Variants in FHIT observed in about 807,000 individuals in gnomAD.
FHIT encodes the protein bis(5'-adenosyl)-triphosphatase.
Under a neutral mutation model 17.9 loss-of-function variants are expected in FHIT, and 19 were observed. The ratio of observed to expected loss-of-function variants is 1.06; its 90% CI spans 0.74 to 1.56. FHIT has a LOEUF of 1.56. FHIT is among the 40% of genes most tolerant of loss of function. The pLI, the probability that FHIT is intolerant of heterozygous loss-of-function variation, is 0.00. For synonymous variants in FHIT, 81 were observed against 69.7 expected (o/e 1.16, Z -0.81); for missense variants, 248 against 189.2 (o/e 1.31, Z -1.82).
chr3:59,753,484 C>T (rs553753384), intron 8 of FHIT, among the ~76,000 whole-genome samples: 8 of 152,090 alleles, frequency 5.3e-5, no homozygotes, highest in Non-Finnish European at 1.2e-4. Context: ...CTCCCTTAAC[C>T]TCCTATTATG....
intron 5 of FHIT, chr3:60,536,556 CTATT>C (rs1226359316): frequency 3.8e-6 from 1 of 262,762 alleles, no homozygotes; most frequent in African/African-American, 2.2e-5. Flanking sequence ...TTAGAAGCAC[CTATT>C]TATTTACTCA....
intron 4 of FHIT, among the ~76,000 whole-genome samples, chr3:60,635,661 G>C (rs1227437721): frequency 6.6e-6 from 1 of 152,280 alleles, no homozygotes; most frequent in Non-Finnish European, 1.5e-5. Context: ...TCTTTTGACA[G>C]ATTAAAAGCT....
At position 60,524,059 on chromosome 3, in the gene FHIT, T is replaced by G. The variant is rs563542103; in HGVS notation, c.103+12801A>C. On this transcript the variant is annotated intron_variant, in intron 5 of 9. Coordinates refer to ENST00000492590, the MANE Select transcript of FHIT (RefSeq NM_002012.4). ...CAACATGGTCAACCAGGGTCACTCA[T>G]CTAGCAAATATTCATTTAACAAATA... Among the ~76,000 whole-genome samples, 161 of 152,288 alleles carry G rather than the reference T, an allele frequency of 1.1e-3. 1 individual carries two copies. The Middle Eastern group carries it at 0.017, about 16-fold the overall frequency.
intron 7 of FHIT, among the ~76,000 whole-genome samples, chr3:59,952,611 C>T (rs1280647564): frequency 6.6e-6 from 1 of 152,170 alleles, no homozygotes; most frequent in East Asian, 1.9e-4. Flanking sequence ...AGCTACCCTC[C>T]CATTATAGGG....
intron 4 of FHIT, among the ~76,000 whole-genome samples, chr3:60,666,549 T>A (rs1559625282): frequency 6.6e-6 from 1 of 152,216 alleles, no homozygotes; most frequent in African/African-American, 2.4e-5. Flanking sequence ...TTAATTATGA[T>A]ATATCATAGC....
chr3:60,302,385 T>A (rs1021879610), intron 5 of FHIT, among the ~76,000 whole-genome samples: 1 of 152,098 alleles, frequency 6.6e-6, no homozygotes, highest in East Asian at 1.9e-4. Context: ...ACTCCAACCC[T>A]GCATAATTTC....
At chr3:59,911,459 G>A (rs1271189422) in intron 8 of FHIT, among the ~76,000 whole-genome samples, 1 of 152,100 alleles carries the variant, frequency 6.6e-6, no homozygotes, top group South Asian at 2.1e-4. Context: ...GAGTACTGGT[G>A]GGCCTTTTAG....
intron 7 of FHIT, among the ~76,000 whole-genome samples, chr3:59,983,654 G>A (rs555791054): frequency 2.0e-5 from 3 of 152,114 alleles, no homozygotes; most frequent in Non-Finnish European, 4.4e-5. Flanking sequence ...GCGGACTAAT[G>A]TATAGTCCTT....
intron 3 of FHIT, among the ~76,000 whole-genome samples, chr3:60,938,076 A>C (rs181808524): frequency 6.6e-6 from 1 of 152,306 alleles, no homozygotes; most frequent in East Asian, 1.9e-4. Context: ...TCCAGGAGAA[A>C]GTTAAATACC....
intron 4 of FHIT, among the ~76,000 whole-genome samples, chr3:60,748,250 T>C (rs2042397363): frequency 6.6e-6 from 1 of 152,200 alleles, no homozygotes; most frequent in Non-Finnish European, 1.5e-5. Context: ...TTCCTTTATC[T>C]TCTTATGTTA....
chr3:60,726,198 C>T (rs116180977), intron 4 of FHIT, among the ~76,000 whole-genome samples: 3,075 of 152,214 alleles, frequency 0.02, 51 homozygotes, highest in Non-Finnish European at 0.03. Flanking sequence ...AATCTTATCA[C>T]TCAAGATATC....
In FHIT at chr3:61,209,105, G is replaced by A. The variant is rs549641470; in HGVS notation, c.-212-8440C>T. On this transcript the variant is annotated intron_variant, in intron 1 of 9. Transcript: ENST00000492590. ...TAGTTTGGCTGGATATGAAATGCTGGGTTGAAAATTCTTTCCTTTAAGAAT... is the reference window on the plus strand; with the variant it reads ...TAGTTTGGCTGGATATGAAATGCTGAGTTGAAAATTCTTTCCTTTAAGAAT... Among the ~76,000 whole-genome samples the A allele has an allele frequency of 2.4e-4, 37 of 152,142 alleles. No homozygotes were observed. The East Asian group carries it at 6.7e-3, about 28-fold the overall frequency.
At chr3:61,167,654 AAGAAAAG>A (rs2037880209) in intron 2 of FHIT, among the ~76,000 whole-genome samples, 2 of 151,324 alleles carry the variant, frequency 1.3e-5, no homozygotes, top group African/African-American at 4.8e-5. Flanking sequence ...AAAGAAAGAA[AAGAAAAG>A]AGAAAAGAGA....
rs141855505 is a variant in FHIT at position 59,886,527 on chromosome 3, T to C, written c.348+35819A>G. Reference sequence around the variant, plus strand: ...GAGGGCCTCTGGCTGCTTCCACTCATGGCAAGGGTGAAGGGGGGCTGTGTG... The same window carrying C: ...GAGGGCCTCTGGCTGCTTCCACTCACGGCAAGGGTGAAGGGGGGCTGTGTG... On this transcript the variant is annotated intron_variant, in intron 8 of 9. Transcript: ENST00000492590. Among the ~76,000 whole-genome samples the C allele has an allele frequency of 3.5e-3, 536 of 152,164 alleles. 1 individual carries two copies. The highest frequency in any genetic ancestry group is 0.017 in the East Asian group (88 of 5,160).
intron 5 of FHIT, among the ~76,000 whole-genome samples, chr3:60,227,910 A>T (rs1704295548): frequency 6.6e-6 from 1 of 152,200 alleles, no homozygotes; most frequent in Admixed American, 6.5e-5. Context: ...TTTTATCAAA[A>T]AGTGAACCAT....
In FHIT at chr3:59,875,793, G is replaced by A. The variant is rs533366303; in HGVS notation, c.348+46553C>T. Among the ~76,000 whole-genome samples the A allele has an allele frequency of 7.9e-5, 12 of 151,572 alleles. 1 individual carries two copies. In the South Asian group the frequency reaches 2.5e-3, roughly 32 times the overall value. On this transcript the variant is annotated intron_variant, in intron 8 of 9. Transcript: ENST00000492590. Reference sequence around the variant, plus strand: ...AGTGTTCTATTATGGAAAGAGGGAGGGCCTGTGACATGGATTCATATATCA... The same window carrying A: ...AGTGTTCTATTATGGAAAGAGGGAGAGCCTGTGACATGGATTCATATATCA...
chr3:60,244,278 C>A (rs1278254840), intron 5 of FHIT, among the ~76,000 whole-genome samples: 1 of 151,832 alleles, frequency 6.6e-6, no homozygotes, highest in African/African-American at 2.4e-5. Flanking sequence ...TACACACATA[C>A]CTATATACAC....
chr3:60,295,642 A>G (rs1034835446), intron 5 of FHIT, among the ~76,000 whole-genome samples: 3 of 152,106 alleles, frequency 2.0e-5, no homozygotes, highest in African/African-American at 7.2e-5. Flanking sequence ...TGGGGATCAA[A>G]TTTTGACGTG....
chr3:60,021,700 A>C (rs1195776454), intron 5 of FHIT, among the ~76,000 whole-genome samples: 1 of 152,206 alleles, frequency 6.6e-6, no homozygotes, highest in African/African-American at 2.4e-5. Context: ...GTTTAACTGC[A>C]TAACCAAGGT....
Sources: allele counts gnomAD v4.1 joint callset (sites outside exome capture counted in the v4.1 genomes callset), GRCh38; gene constraint gnomAD v4.1.1; transcripts MANE v1.5; gene names NCBI Gene and HGNC (gene_info 2026-07-23, HGNC 2026-07-21).